The following MLIP variants were observed in gnomAD, a reference collection of about 807,000 sequenced individuals.
The protein encoded by MLIP is muscular LMNA interacting protein.
MLIP carries 79 observed loss-of-function variants against 84.8 expected under a neutral mutation model. The observed-to-expected ratio is 0.93, with a 90% CI of 0.78 to 1.12. The LOEUF (loss-of-function observed/expected upper bound fraction) is 1.12. MLIP is among the 50% of genes most tolerant of loss of function. The probability of loss-of-function intolerance (pLI) is 0.00; values close to 1 mark genes in which losing one functional copy is unlikely to be tolerated. For missense variants in MLIP, 1,257 were observed against 1,160.6 expected (o/e 1.08, Z -1.21); for synonymous variants, 504 against 463.0 (o/e 1.09, Z -1.14).
At chr6:54,202,268 GATAAATATAAATATATATAAAATATAT>G in intron 11 of MLIP, 35 bp downstream of exon 11, 1 of 1,119,778 alleles carries the variant, frequency 8.9e-7, no homozygotes, top group Non-Finnish European at 1.1e-6. Flanking sequence ...TTGCTATTTT[GATAAATATAAATATATATAAAATATAT>G]ATAAATATAT....
chr6:54,210,327 T>C (rs2792649), intron 11 of MLIP, among the ~76,000 whole-genome samples: 17,880 of 149,178 alleles, frequency 0.12, 25 homozygotes, highest in African/African-American at 0.18. Flanking sequence ...GGTTTATTTA[T>C]GGCATGAACC....
intron 2 of MLIP, 147 bp downstream of exon 2, chr6:54,121,749 G>C: frequency 1.5e-6 from 1 of 654,968 alleles, no homozygotes; most frequent in Non-Finnish European, 2.5e-6. Flanking sequence ...TGCAACAGAA[G>C]CATAAATGTT....
At position 54,027,408 on chromosome 6, in the gene MLIP, CACACACACACACAT is replaced by C. The variant is rs1188321583; in HGVS notation, c.63+8319_63+8332del. Among the ~76,000 whole-genome samples, 157 of 111,100 alleles carry C rather than the reference CACACACACACACAT, an allele frequency of 1.4e-3. 1 individual carries two copies. Among genetic ancestry groups the C allele is most frequent in the Middle Eastern group, 4.6e-3 (1 of 216 alleles). 72.9% of individuals were successfully genotyped at this position (111,100 alleles called of 152,430 possible). ...ACACACACACACACACACACACACA[CACACACACACACAT>C]ATATACATAAAATCTGTGTGTTAAA... On this transcript the variant is annotated intron_variant, in intron 1 of 12. Transcript: ENST00000274897.
rs766218656 is a variant in MLIP, at chr6:54,121,590, A to G, written c.240A>G (p.Glu80=). 70 of 1,605,270 alleles carry G rather than the reference A, an allele frequency of 4.4e-5. No individual in the cohort carries two copies. The highest frequency in any genetic ancestry group is 5.8e-5 in the Non-Finnish European group (68 of 1,175,962). The change falls in exon 2 of 14, where the codon GAA becomes GAG. Residue 80 remains glutamate (E), a synonymous_variant. Transcript: ENST00000502396. ...IPEESSDKSP[E]TVNRSKSNDY... is the part of the protein sequence containing the mutation. The stretch of plus-strand genomic sequence containing the variant: ...AAGAATCAAGTGATAAGAGTCCAGA[A>G]ACTGTAAATAGGGTAGGATTATTTT...
intron 12 of MLIP, among the ~76,000 whole-genome samples, chr6:54,252,244 GTATAA>G (rs1782658589): frequency 1.0e-5 from 1 of 96,848 alleles, no homozygotes. Context: ...TAATATATAA[GTATAA>G]TATATTATAA....
At chr6:54,038,112 CTGAG>C (rs1764546590) in intron 1 of MLIP, among the ~76,000 whole-genome samples, 1 of 151,802 alleles carries the variant, frequency 6.6e-6, no homozygotes, top group African/African-American at 2.4e-5. Context: ...TAAAAAGATC[CTGAG>C]TAAGGGGACA....
chr6:54,140,319 C>A (rs183069010), intron 4 of MLIP, among the ~76,000 whole-genome samples: 1 of 152,228 alleles, frequency 6.6e-6, no homozygotes, highest in Admixed American at 6.5e-5. Context: ...GCTTTTGATA[C>A]ATTAAAGGCA....
At chr6:54,027,940 T>C (rs1417339674) in intron 1 of MLIP, among the ~76,000 whole-genome samples, 1 of 152,186 alleles carries the variant, frequency 6.6e-6, no homozygotes, top group Non-Finnish European at 1.5e-5. Flanking sequence ...TATAGCATAC[T>C]GTACGTGTGG....
upstream of MLIP, among the ~76,000 whole-genome samples, chr6:54,107,506 C>T (rs867587129): frequency 6.6e-5 from 10 of 152,168 alleles, no homozygotes; most frequent in African/African-American, 1.2e-4. Flanking sequence ...GACACGGATA[C>T]GAACACCTAA....
chr6:54,132,435 A>G (rs761776372), intron 3 of MLIP, among the ~76,000 whole-genome samples: 1 of 152,208 alleles, frequency 6.6e-6, no homozygotes, highest in Non-Finnish European at 1.5e-5. Flanking sequence ...TTACAAAGCG[A>G]AAGTTTTTTT....
chr6:54,039,334 A>G (rs1764617279), intron 1 of MLIP, among the ~76,000 whole-genome samples: 1 of 151,978 alleles, frequency 6.6e-6, no homozygotes, highest in Non-Finnish European at 1.5e-5. Context: ...TTAAAAACAA[A>G]CACAAATAAA....
At chr6:54,192,614 A>T (rs1242571529) in intron 10 of MLIP, among the ~76,000 whole-genome samples, 4 of 151,762 alleles carry the variant, frequency 2.6e-5, no homozygotes, top group Non-Finnish European at 5.9e-5. Context: ...CAAAACTTTG[A>T]TATATATATT....
At chr6:54,055,377 G>C (rs903198999) in intron 1 of MLIP, among the ~76,000 whole-genome samples, 2 of 152,088 alleles carry the variant, frequency 1.3e-5, no homozygotes, top group Admixed American at 6.5e-5. Flanking sequence ...AAATCTAACA[G>C]ACTTATGGTA....
rs893485134 is a variant in MLIP, at chr6:54,217,707, T to A, written c.2719-13007T>A. The A allele has an allele frequency of 1.4e-5, 14 of 984,996 alleles. No individual in the cohort carries two copies. In the African/African-American group the frequency reaches 2.4e-4, roughly 17 times the overall value. The allele number at this position is 984,996 out of a possible 1,614,324, so 61.0% of individuals were successfully genotyped here. On this transcript the variant is annotated intron_variant, in intron 11 of 13. Coordinates refer to ENST00000502396, the MANE Select transcript of MLIP (RefSeq NM_001281747.2). ...TACTGAAATTGAAAGAGGACAATTC[T>A]CAAGTGACTAAAAAGCGGTTTAAAG...
intron 1 of MLIP, chr6:54,029,328 T>C (rs1218650369): frequency 6.6e-6 from 1 of 152,160 alleles, no homozygotes; most frequent in Non-Finnish European, 1.5e-5. Flanking sequence ...TCCTAGTGGA[T>C]GAGAGTAGTG....
At chr6:54,190,956 C>T (rs1390471449) in intron 10 of MLIP, among the ~76,000 whole-genome samples, 1 of 151,320 alleles carries the variant, frequency 6.6e-6, no homozygotes, top group East Asian at 1.9e-4. Flanking sequence ...CCACCGAGCC[C>T]GGCTAATTTT....
chr6:54,215,496 T>C, intron 11 of MLIP: 1 of 776,056 alleles, frequency 1.3e-6, no homozygotes, highest in Non-Finnish European at 1.7e-6. Context: ...ACAAAAATTA[T>C]ACCTATTTAA....
intron 12 of MLIP, among the ~76,000 whole-genome samples, chr6:54,232,223 A>G (rs1781054005): frequency 6.6e-6 from 1 of 152,154 alleles, no homozygotes; most frequent in South Asian, 2.1e-4. Context: ...TAATACTATT[A>G]CCATTTTCTT....
At chr6:54,073,195 T>C (rs1766590698) in intron 1 of MLIP, among the ~76,000 whole-genome samples, 1 of 152,082 alleles carries the variant, frequency 6.6e-6, no homozygotes, top group South Asian at 2.1e-4. Flanking sequence ...GAACTTGGAG[T>C]TCCTTTTTGC....
Sources: allele counts gnomAD v4.1 joint callset (sites outside exome capture counted in the v4.1 genomes callset), GRCh38; gene constraint gnomAD v4.1.1; transcripts MANE v1.5; gene names NCBI Gene and HGNC (gene_info 2026-07-23, HGNC 2026-07-21).